The following NALCN variants were observed in gnomAD, a reference collection of about 807,000 sequenced individuals.
The protein encoded by NALCN is sodium leak channel, non-selective.
NALCN carries 111 observed loss-of-function variants against 225.3 expected under a neutral mutation model. That is an observed-to-expected ratio of 0.49 (90% CI 0.42 to 0.58). The LOEUF (loss-of-function observed/expected upper bound fraction) is 0.58. NALCN is among the 20% of genes least tolerant of loss of function. The pLI is 0.00. For missense variants in NALCN, 1,378 were observed against 2,202.4 expected (o/e 0.63, Z 7.49); for synonymous variants, 764 against 769.0 (o/e 0.99, Z 0.11).
chr13:101,258,620 A>T, intron 10 of NALCN, 46 bp from the exon 11 acceptor site: 1 of 1,611,884 alleles, frequency 6.2e-7, no homozygotes, highest in Non-Finnish European at 8.5e-7. Flanking sequence ...AATAAACCTC[A>T]TGATTAAGTG....
rs1332543151 is a variant in NALCN, at chr13:101,416,399, G to C, written c.-126C>G. ...GCGACCGGCAGGATCAGTGCCAGGCGCGGCGCCCAGGGCGGGCGGGGACGC... is the reference window on the plus strand; with the variant it reads ...GCGACCGGCAGGATCAGTGCCAGGCCCGGCGCCCAGGGCGGGCGGGGACGC... On this transcript the variant is annotated 5_prime_UTR_variant, in exon 1 of 44. Transcript: ENST00000251127. 3 of 152,802 alleles carry C rather than the reference G, an allele frequency of 2.0e-5. No individual in the cohort carries two copies. Among genetic ancestry groups the C allele is most frequent in the African/African-American group, 2.4e-5 (1 of 41,340 alleles). The allele number at this position is 152,802 out of a possible 1,614,324, so 9.5% of individuals were successfully genotyped here.
At chr13:101,382,858 C>A (rs539809594) in intron 3 of NALCN, among the ~76,000 whole-genome samples, 2 of 152,288 alleles carry the variant, frequency 1.3e-5, no homozygotes, top group East Asian at 3.9e-4. Flanking sequence ...GTGTCACCAA[C>A]AAGCTCAGCA....
intron 7 of NALCN, among the ~76,000 whole-genome samples, chr13:101,299,812 G>T (rs2139087141): frequency 6.6e-6 from 1 of 152,132 alleles, no homozygotes; most frequent in East Asian, 1.9e-4. Flanking sequence ...TATACCATCT[G>T]TTATGCAGAT....
chr13:101,176,018 T>C (rs1049003391), intron 15 of NALCN, among the ~76,000 whole-genome samples: 35 of 152,216 alleles, frequency 2.3e-4, no homozygotes, highest in African/African-American at 7.7e-4. Flanking sequence ...CTTCATTTAA[T>C]GGCAGAAGGA....
At chr13:101,261,511 C>T (rs1395812465) in intron 10 of NALCN, among the ~76,000 whole-genome samples, 6 of 152,068 alleles carry the variant, frequency 3.9e-5, no homozygotes, top group African/African-American at 1.4e-4. Flanking sequence ...TTTTTGGTGT[C>T]CTCTTCGATT....
At chr13:101,073,459 G>A in intron 37 of NALCN, 125 bp downstream of exon 37, 1 of 701,164 alleles carries the variant, frequency 1.4e-6, no homozygotes, top group Non-Finnish European at 2.3e-6. Flanking sequence ...ATGGACTGAA[G>A]TGTCAGGATT....
intron 9 of NALCN, among the ~76,000 whole-genome samples, chr13:101,288,492 G>A (rs756290327): frequency 6.6e-6 from 1 of 152,008 alleles, no homozygotes; most frequent in Non-Finnish European, 1.5e-5. Context: ...GTTGCTTTAG[G>A]CATTGTATAA....
chr13:101,278,616 C>T (rs1006872569), intron 10 of NALCN, among the ~76,000 whole-genome samples: 28 of 149,512 alleles, frequency 1.9e-4, no homozygotes, highest in African/African-American at 6.9e-4. Context: ...ACAAATTTAT[C>T]TTATATGCTT....
At position 101,318,124 on chromosome 13, in the gene NALCN, C is replaced by G. The variant is rs545513440; in HGVS notation, c.800-25758G>C. ...GGGTGTCACTTCACCAGCCGGAAACCTCTGTAGCCAGTGGCACGTTTGCCC... is the reference window on the plus strand; with the variant it reads ...GGGTGTCACTTCACCAGCCGGAAACGTCTGTAGCCAGTGGCACGTTTGCCC... On this transcript the variant is annotated intron_variant, in intron 7 of 43. Transcript: ENST00000251127. Among the ~76,000 whole-genome samples, 427 of 152,306 alleles carry G rather than the reference C, an allele frequency of 2.8e-3. 2 individuals are homozygous for G. Among genetic ancestry groups the G allele is most frequent in the African/African-American group, 9.3e-3 (388 of 41,558 alleles).
At chr13:101,203,325 C>T (rs923946593) in intron 13 of NALCN, among the ~76,000 whole-genome samples, 1 of 152,158 alleles carries the variant, frequency 6.6e-6, no homozygotes, top group East Asian at 1.9e-4. Flanking sequence ...AAACGATTCT[C>T]CTGCCTCAGT....
At chr13:101,105,818 G>C (rs180688190) in intron 22 of NALCN, among the ~76,000 whole-genome samples, 3 of 152,274 alleles carry the variant, frequency 2.0e-5, no homozygotes, top group African/African-American at 7.2e-5. Context: ...TAGTAGCTGG[G>C]TCCCTGAGCA....
At chr13:101,071,924 C>T (rs930955915) in intron 37 of NALCN, among the ~76,000 whole-genome samples, 12 of 152,198 alleles carry the variant, frequency 7.9e-5, no homozygotes, top group African/African-American at 2.6e-4. Context: ...GGTTGTGAAT[C>T]GGCCTAATGT....
chr13:101,169,007 A>G (rs1308254341), intron 15 of NALCN, among the ~76,000 whole-genome samples: 4 of 152,172 alleles, frequency 2.6e-5, no homozygotes, highest in Middle Eastern at 3.2e-3. Context: ...CCTGCTTGTG[A>G]GAAAACGTCC....
intron 14 of NALCN, among the ~76,000 whole-genome samples, chr13:101,178,244 G>T (rs1369533411): frequency 1.3e-5 from 2 of 152,184 alleles, no homozygotes; most frequent in East Asian, 3.9e-4. Context: ...CTGCAGGAGG[G>T]GATATCTTAT....
Position 101,104,068 on chromosome 13 carries a change from G to C in NALCN, c.2889+227C>G, listed in dbSNP as rs995805163. ...TCATTCATACATAAAATTGTGATTA[G>C]TGTATTTGAACAATATAACTATCCA... is the stretch of plus-strand genomic sequence containing the variant. On this transcript the variant is annotated intron_variant, in intron 25 of 43. Coordinates refer to ENST00000251127, the MANE Select transcript of NALCN (RefSeq NM_052867.4). This position sits in a 1 kb window ranked among gnomAD's most constrained non-coding sequence, Gnocchi z 4.2. Among the ~76,000 whole-genome samples, 1 of 151,970 alleles carries C rather than the reference G, an allele frequency of 6.6e-6. No homozygotes were observed. The highest frequency in any genetic ancestry group is 1.5e-5 in the Non-Finnish European group (1 of 68,022).
At position 101,292,164 on chromosome 13, in the gene NALCN, C is replaced by T; in HGVS notation, c.942+60G>A. On this transcript the variant is annotated intron_variant, in intron 8 of 43. Coordinates refer to ENST00000251127, the MANE Select transcript of NALCN (RefSeq NM_052867.4). The surrounding 1 kb of genome is among the most constrained non-coding windows in gnomAD (Gnocchi z 4.3). ...AAAGCAGAGGGCAACCAAAACCAAACAAAAGATCTGCAGAACTATCACAGA... is the reference window on the plus strand; with the variant it reads ...AAAGCAGAGGGCAACCAAAACCAAATAAAAGATCTGCAGAACTATCACAGA... 6.2e-7 allele frequency: 1 copy of T among 1,612,234 alleles called. No homozygotes were observed. Among genetic ancestry groups the T allele is most frequent in the African/African-American group, 1.3e-5 (1 of 74,902 alleles).
chr13:101,108,200 T>C (rs2035246090), intron 20 of NALCN, among the ~76,000 whole-genome samples: 1 of 151,150 alleles, frequency 6.6e-6, no homozygotes, highest in African/African-American at 2.4e-5. Context: ...ATTTACAGTA[T>C]ATAAAATATG....
chr13:101,103,908 T>C (rs984490474), intron 25 of NALCN, among the ~76,000 whole-genome samples: 4 of 152,228 alleles, frequency 2.6e-5, no homozygotes, highest in Non-Finnish European at 5.9e-5. Flanking sequence ...TCACTTTAGT[T>C]TGCTTTCAGC....
Position 101,148,203 on chromosome 13 carries a change from G to A in NALCN, c.1840-3307C>T, listed in dbSNP as rs191211000. 2.9e-4 allele frequency among the ~76,000 whole-genome samples: 44 copies of A among 152,290 alleles called. No homozygotes were observed. In the South Asian group the frequency reaches 5.4e-3, roughly 19 times the overall value. On this transcript the variant is annotated intron_variant, in intron 15 of 43. Transcript: ENST00000251127. ...TACTCTCTCAGCATTCTGGAGGCTA[G>A]AAGTCAAAAACCAAGGCGCCAGCAG...
Sources: gnomAD v4.1 joint callset for allele counts (sites outside exome capture counted in the v4.1 genomes callset) on GRCh38, gnomAD v4.1.1 for gene constraint, Gnocchi (gnomAD v3.1) non-coding constraint, MANE v1.5 for transcripts, NCBI Gene and HGNC (gene_info 2026-07-23, HGNC 2026-07-21) for gene names.